The following COL5A2 variants were observed in gnomAD, a reference collection of about 807,000 sequenced individuals.
COL5A2 encodes collagen alpha-2(V) chain.
Under a neutral mutation model 208.2 loss-of-function variants are expected in COL5A2, and 23 were observed. The ratio of observed to expected loss-of-function variants is 0.11; its 90% CI spans 0.08 to 0.16. The LOEUF (loss-of-function observed/expected upper bound fraction) is 0.16, where lower values mean the gene tolerates loss of function less well. Among genes scored for constraint, COL5A2 ranks in the 10% least tolerant of loss-of-function variants. The probability of loss-of-function intolerance (pLI) is 1.00; values close to 1 mark genes in which losing one functional copy is unlikely to be tolerated. For missense variants in COL5A2, 1,590 were observed against 1,956.4 expected, an observed-to-expected ratio of 0.81 and a Z score of 3.53; for synonymous variants, 625 against 628.5, an observed-to-expected ratio of 0.99 and a Z score of 0.08.
intron 1 of COL5A2, among the ~76,000 whole-genome samples, chr2:189,169,426 CT>C: frequency 6.6e-6 from 1 of 152,036 alleles, no homozygotes; most frequent in Admixed American, 6.6e-5. Context: ...TTCTTTCTTT[CT>C]TTTTTTGTAT....
At chr2:189,161,847 G>A (rs1018260363) in intron 1 of COL5A2, among the ~76,000 whole-genome samples, 1 of 152,176 alleles carries the variant, frequency 6.6e-6, no homozygotes, top group African/African-American at 2.4e-5. Flanking sequence ...TTTATTGTGT[G>A]CTAAATGTGT....
chr2:189,154,547 C>T (rs1383501886), intron 1 of COL5A2, among the ~76,000 whole-genome samples: 1 of 152,198 alleles, frequency 6.6e-6, no homozygotes, highest in African/African-American at 2.4e-5. Flanking sequence ...TCCCTCTTCC[C>T]TCACCCTCCC....
At chr2:189,427,440 C>A in the COL5A2 span, among the ~76,000 whole-genome samples, 1 of 152,210 alleles carries the variant, frequency 6.6e-6, no homozygotes, top group South Asian at 2.1e-4. Context: ...TTTACTAGGA[C>A]AATGCAGAAG....
chr2:189,309,203 A>G, the COL5A2 span, among the ~76,000 whole-genome samples: 7 of 152,176 alleles, frequency 4.6e-5, no homozygotes, highest in Non-Finnish European at 1.0e-4. Flanking sequence ...CTCTAAAATA[A>G]TAATTGGTCA....
the COL5A2 span, among the ~76,000 whole-genome samples, chr2:189,308,725 T>G: frequency 3.3e-5 from 5 of 152,138 alleles, no homozygotes; most frequent in African/African-American, 1.2e-4. Context: ...CAATTGCCAA[T>G]TAGAAAACCT....
chr2:189,359,489 T>C, the COL5A2 span, among the ~76,000 whole-genome samples: 2 of 152,200 alleles, frequency 1.3e-5, no homozygotes, highest in Non-Finnish European at 2.9e-5. Context: ...TTTGTTGATT[T>C]TCGCATTTCT....
At chr2:189,086,094 A>G (rs1284910363) in intron 9 of COL5A2, among the ~76,000 whole-genome samples, 1 of 152,186 alleles carries the variant, frequency 6.6e-6, no homozygotes, top group Non-Finnish European at 1.5e-5. Flanking sequence ...CACCATCATC[A>G]ACCACATTTT....
intron 1 of COL5A2, among the ~76,000 whole-genome samples, chr2:189,115,407 G>GGA (rs1220499168): frequency 9.8e-5 from 14 of 142,642 alleles, no homozygotes; most frequent in Admixed American, 3.5e-4. Flanking sequence ...ACCTGTGGGG[G>GGA]AAAAAAAAAA....
chr2:189,363,588 G>A, the COL5A2 span, among the ~76,000 whole-genome samples: 2 of 150,996 alleles, frequency 1.3e-5, no homozygotes, highest in East Asian at 1.9e-4. Context: ...TATTACTTAC[G>A]GAAATAATAA....
At chr2:189,306,067 G>A in the COL5A2 span, among the ~76,000 whole-genome samples, 9 of 152,314 alleles carry the variant, frequency 5.9e-5, no homozygotes, top group East Asian at 1.7e-3. Flanking sequence ...AATGTTCTCT[G>A]AGAATGGGGT....
chr2:189,118,089 G>A (rs1043438251), intron 1 of COL5A2, among the ~76,000 whole-genome samples: 1 of 151,904 alleles, frequency 6.6e-6, no homozygotes, highest in Non-Finnish European at 1.5e-5. Flanking sequence ...AATACAAAAT[G>A]ATATGCTTCA....
intron 6 of COL5A2, among the ~76,000 whole-genome samples, chr2:189,092,737 T>G (rs1686814875): frequency 6.6e-6 from 1 of 152,134 alleles, no homozygotes; most frequent in Non-Finnish European, 1.5e-5. Flanking sequence ...TTTGATTGAG[T>G]TTTTGCCGTG....
intron 1 of COL5A2, among the ~76,000 whole-genome samples, chr2:189,152,199 C>A (rs960531859): frequency 3.3e-5 from 5 of 152,238 alleles, no homozygotes; most frequent in South Asian, 2.1e-4. Flanking sequence ...AGATATGGAA[C>A]CTGACACTTA....
intron 1 of COL5A2, among the ~76,000 whole-genome samples, chr2:189,169,999 G>A (rs149716142): frequency 6.6e-6 from 1 of 152,316 alleles, no homozygotes; most frequent in Non-Finnish European, 1.5e-5. Context: ...TTACAGGCGT[G>A]AGCCACCACA....
chr2:189,377,516 T>C, the COL5A2 span, among the ~76,000 whole-genome samples: 1 of 152,222 alleles, frequency 6.6e-6, no homozygotes, highest in African/African-American at 2.4e-5. Flanking sequence ...TTACACAAAA[T>C]AGAAGCTCAA....
rs182489373 is a variant in COL5A2, at chr2:189,111,495, C to T, written c.98-1046G>A. Among the ~76,000 whole-genome samples, 384 of 152,266 alleles carry T rather than the reference C, an allele frequency of 2.5e-3. 1 individual carries two copies. The highest frequency in any genetic ancestry group is 0.012 in the Admixed American group (179 of 15,298). The stretch of plus-strand genomic sequence containing the variant: ...ACCACTTTTGCCCAGCACTACCTCT[C>T]CTTCCTTCATCCCAGGCCCACATGG... On this transcript the variant is annotated intron_variant, in intron 1 of 53. Transcript: ENST00000374866.
chr2:189,314,869 C>A, the COL5A2 span, among the ~76,000 whole-genome samples: 6 of 151,966 alleles, frequency 3.9e-5, no homozygotes, highest in South Asian at 2.1e-4. Context: ...CACCCTCCTA[C>A]GACTGAACCA....
intron 1 of COL5A2, among the ~76,000 whole-genome samples, chr2:189,117,099 T>A (rs1316290115): frequency 1.1e-5 from 1 of 92,850 alleles, no homozygotes; most frequent in African/African-American, 2.8e-5. Context: ...AAGGAAAAAC[T>A]CTCATATTAG....
chr2:189,146,011 G>T (rs1688032225), intron 1 of COL5A2, among the ~76,000 whole-genome samples: 1 of 152,056 alleles, frequency 6.6e-6, no homozygotes, highest in Admixed American at 6.6e-5. Flanking sequence ...ATTTAGGAAG[G>T]TTACATGCAA....
Sources: gnomAD v4.1 joint callset for allele counts (sites outside exome capture counted in the v4.1 genomes callset) on GRCh38, gnomAD v4.1.1 for gene constraint, MANE v1.5 for transcripts, NCBI Gene and HGNC (gene_info 2026-07-23, HGNC 2026-07-21) for gene names.